Variants in SMYD3 observed in about 807,000 individuals in gnomAD.
SMYD3 encodes histone-lysine N-methyltransferase SMYD3.
Under a neutral mutation model 57.7 loss-of-function variants are expected in SMYD3, and 36 were observed. The observed-to-expected ratio is 0.62, with a 90% CI of 0.48 to 0.82. SMYD3 has a LOEUF of 0.82. Ranked by LOEUF, SMYD3 falls within the 40% of genes least tolerant of loss-of-function variation. The pLI is 0.00. For synonymous variants in SMYD3, 211 were observed against 195.0 expected, an observed-to-expected ratio of 1.08 and a Z score of -0.68; for missense variants, 515 against 538.8, an observed-to-expected ratio of 0.96 and a Z score of 0.44.
At chr1:246,252,980 G>T (rs1191117544) in intron 5 of SMYD3, among the ~76,000 whole-genome samples, 1 of 152,110 alleles carries the variant, frequency 6.6e-6, no homozygotes, top group Non-Finnish European at 1.5e-5. Flanking sequence ...CCATGTGATG[G>T]CAATACTCAA....
rs529760175 is a variant in SMYD3 at position 246,154,926 on chromosome 1, C to T, written c.531+172275G>A. ...CTTCATAAGAAGCTGGGACTACAGG[C>T]GCCTACCACCACGCCTGGCTAATTT... On this transcript the variant is annotated intron_variant, in intron 5 of 11. Coordinates refer to ENST00000490107, the MANE Select transcript of SMYD3 (RefSeq NM_001167740.2). Among the ~76,000 whole-genome samples, 161 of 152,008 alleles carry T rather than the reference C, an allele frequency of 1.1e-3. 1 individual carries two copies. The highest frequency in any genetic ancestry group is 3.6e-3 in the African/African-American group (150 of 41,450).
chr1:246,390,849 GCAACAA>G (rs373260000), intron 1 of SMYD3, among the ~76,000 whole-genome samples: 7 of 151,792 alleles, frequency 4.6e-5, no homozygotes, highest in South Asian at 4.2e-4. Flanking sequence ...CAGCACTAGA[GCAACAA>G]CAACAACAAC....
rs1336519458 is a variant in SMYD3 at position 246,185,522 on chromosome 1, C to T, written c.531+141679G>A. Among the ~76,000 whole-genome samples, 16 of 135,174 alleles carry T rather than the reference C, an allele frequency of 1.2e-4. 1 individual carries two copies. Among genetic ancestry groups the T allele is most frequent in the South Asian group, 4.7e-4 (2 of 4,272 alleles). The allele number at this position is 135,174 out of a possible 152,430, so 88.7% of individuals were successfully genotyped here. A position where few individuals can be genotyped will look rare whatever the true frequency, so the allele number is the denominator to read the frequency against. ...CAGGCTGGAGTGTGGAGTGCAGTGG[C>T]GCGATCTCGGCTCACTGCAAGCTCC... is the stretch of plus-strand genomic sequence containing the variant. On this transcript the variant is annotated intron_variant, in intron 5 of 11. Transcript: ENST00000490107.
intron 5 of SMYD3, among the ~76,000 whole-genome samples, chr1:246,123,095 C>T (rs1273191872): frequency 1.3e-5 from 2 of 152,154 alleles, no homozygotes; most frequent in African/African-American, 2.4e-5. Flanking sequence ...TGTTCTCTCA[C>T]TGAAAATTGA....
intron 11 of SMYD3, among the ~76,000 whole-genome samples, chr1:245,761,786 C>CTTTTTTTTTTTT (rs534305833): frequency 3.5e-5 from 4 of 115,720 alleles, no homozygotes; most frequent in African/African-American, 1.5e-4. Flanking sequence ...CATATTGAGT[C>CTTTTTTTTTTTT]TTTTTTTTTT....
Position 246,208,317 on chromosome 1 carries a change from G to A in SMYD3, c.531+118884C>T, listed in dbSNP as rs1027209143. 2.6e-5 allele frequency among the ~76,000 whole-genome samples: 4 copies of A among 152,058 alleles called. No individual in the cohort carries two copies. In the East Asian group the frequency reaches 7.7e-4, roughly 29 times the overall value. On this transcript the variant is annotated intron_variant, in intron 5 of 11. Transcript: ENST00000490107. ...CACTTCACGTGGTGAAGTGCATTACGAGGAGCTGATATGACTGTAAAATGT... is the reference window on the plus strand; with the variant it reads ...CACTTCACGTGGTGAAGTGCATTACAAGGAGCTGATATGACTGTAAAATGT...
chr1:246,422,228 T>C (rs2067153973), intron 1 of SMYD3, among the ~76,000 whole-genome samples: 1 of 152,148 alleles, frequency 6.6e-6, no homozygotes, highest in Non-Finnish European at 1.5e-5. Flanking sequence ...CTGATTAAAA[T>C]GGATTTTTGC....
intron 5 of SMYD3, among the ~76,000 whole-genome samples, chr1:246,064,878 T>C (rs965064369): frequency 6.6e-6 from 1 of 152,258 alleles, no homozygotes; most frequent in Non-Finnish European, 1.5e-5. Flanking sequence ...CAGCCAAATA[T>C]GTGGTGGTCT....
At chr1:246,091,493 A>C (rs2060822969) in intron 5 of SMYD3, among the ~76,000 whole-genome samples, 1 of 35,512 alleles carries the variant, frequency 2.8e-5, no homozygotes, top group Non-Finnish European at 1.4e-4. Flanking sequence ...ACCTCAGCAC[A>C]AAAAAAAAAA....
At chr1:245,758,188 T>G (rs993023850) in intron 11 of SMYD3, among the ~76,000 whole-genome samples, 2 of 152,210 alleles carry the variant, frequency 1.3e-5, no homozygotes, top group African/African-American at 2.4e-5. Context: ...GTTTTTGAAT[T>G]GTTCATTTTT....
chr1:246,119,177 T>C (rs1323764664), intron 5 of SMYD3, among the ~76,000 whole-genome samples: 1 of 152,050 alleles, frequency 6.6e-6, no homozygotes, highest in African/African-American at 2.4e-5. Flanking sequence ...CATGCCAACA[T>C]GCTTGGCTAA....
At chr1:246,006,427 C>T (rs1391359148) in intron 5 of SMYD3, among the ~76,000 whole-genome samples, 8 of 152,044 alleles carry the variant, frequency 5.3e-5, no homozygotes, top group Non-Finnish European at 7.4e-5. Flanking sequence ...GGAACTGGGA[C>T]GTGCTCCCTG....
At chr1:245,796,165 G>T (rs1298925074) in intron 10 of SMYD3, among the ~76,000 whole-genome samples, 2 of 152,136 alleles carry the variant, frequency 1.3e-5, no homozygotes, top group African/African-American at 4.8e-5. Context: ...TCTTGGGTTG[G>T]GAAGTCTGAG....
At chr1:246,182,455 C>G (rs753719242) in intron 5 of SMYD3, among the ~76,000 whole-genome samples, 26 of 152,156 alleles carry the variant, frequency 1.7e-4, no homozygotes, top group Non-Finnish European at 3.2e-4. Flanking sequence ...AAAAGGACAA[C>G]TGGAGACTGA....
intron 10 of SMYD3, among the ~76,000 whole-genome samples, chr1:245,782,244 G>A (rs1345172884): frequency 1.3e-5 from 2 of 152,152 alleles, no homozygotes; most frequent in Non-Finnish European, 2.9e-5. Flanking sequence ...CTCCAGAGGA[G>A]CCCCTGCAGC....
chr1:246,031,988 G>T (rs148497912), intron 5 of SMYD3, among the ~76,000 whole-genome samples: 10 of 152,226 alleles, frequency 6.6e-5, no homozygotes, highest in African/African-American at 2.4e-4. Context: ...CTAAAGTTAC[G>T]TTGAAACGAC....
At chr1:246,054,531 C>T (rs963452436) in intron 5 of SMYD3, among the ~76,000 whole-genome samples, 4 of 152,160 alleles carry the variant, frequency 2.6e-5, no homozygotes, top group African/African-American at 9.7e-5. Context: ...CTACACAACA[C>T]AACACTATTC....
At position 246,211,622 on chromosome 1, in the gene SMYD3, G is replaced by C. The variant is rs573917776; in HGVS notation, c.531+115579C>G. ...AGGCAGAGAAAGTACACAAGAGGGA[G>C]ACAAATAAAAGGGGGAAGAGGTAGT... On this transcript the variant is annotated intron_variant, in intron 5 of 11. Coordinates refer to ENST00000490107, the MANE Select transcript of SMYD3 (RefSeq NM_001167740.2). Among the ~76,000 whole-genome samples, 3 of 152,182 alleles carry C rather than the reference G, an allele frequency of 2.0e-5. No homozygotes were observed. The South Asian group carries it at 6.2e-4, about 32-fold the overall frequency.
chr1:246,275,671 C>T (rs1252816289), intron 5 of SMYD3, among the ~76,000 whole-genome samples: 6 of 150,866 alleles, frequency 4.0e-5, no homozygotes, highest in Middle Eastern at 3.5e-3. Flanking sequence ...AGTCTGATGC[C>T]CATGTTTGAA....
Sources: gnomAD v4.1 joint callset for allele counts (sites outside exome capture counted in the v4.1 genomes callset) on GRCh38, gnomAD v4.1.1 for gene constraint, MANE v1.5 for transcripts, NCBI Gene and HGNC (gene_info 2026-07-23, HGNC 2026-07-21) for gene names.